THSD7B: variants seen among roughly 807,000 people sequenced by gnomAD.
The protein encoded by THSD7B is thrombospondin type 1 domain containing 7B, also known as thrombospondin type-1 domain-containing protein 7B.
Under a neutral mutation model 213.6 loss-of-function variants are expected in THSD7B, and 138 were observed. That is an observed-to-expected ratio of 0.65 (90% CI 0.56 to 0.74). THSD7B has a LOEUF of 0.74. THSD7B is among the 30% of genes least tolerant of loss of function. The pLI is 0.00. For synonymous variants in THSD7B, 742 were observed against 687.0 expected, an observed-to-expected ratio of 1.08 and a Z score of -1.25; for missense variants, 1,931 against 1,991.5, an observed-to-expected ratio of 0.97 and a Z score of 0.58.
At chr2:137,455,937 A>G (rs1687754101) in intron 15 of THSD7B, among the ~76,000 whole-genome samples, 1 of 152,208 alleles carries the variant, frequency 6.6e-6, no homozygotes, top group Admixed American at 6.5e-5. Context: ...CACATGGTGG[A>G]AACCAACAGA....
intron 5 of THSD7B, among the ~76,000 whole-genome samples, chr2:137,153,988 G>T (rs1192769835): frequency 6.6e-6 from 1 of 152,132 alleles, no homozygotes; most frequent in East Asian, 1.9e-4. Context: ...CGGGTTTACA[G>T]TGCCTTCATT....
chr2:137,470,910 C>CTTTTTTTTTTTT (rs70978226), intron 15 of THSD7B, among the ~76,000 whole-genome samples: 23 of 119,822 alleles, frequency 1.9e-4, no homozygotes, highest in Non-Finnish European at 2.9e-4. Context: ...TTTTTCTTTA[C>CTTTTTTTTTTTT]TTTTTTTTTT....
At chr2:137,054,093 C>A (rs1687116944) in intron 2 of THSD7B, among the ~76,000 whole-genome samples, 1 of 152,128 alleles carries the variant, frequency 6.6e-6, no homozygotes, top group African/African-American at 2.4e-5. Context: ...TCTCAATTTG[C>A]AAAGTAAAGA....
chr2:137,512,959 CATTAGAGAGGCA>C (rs1215350483), intron 15 of THSD7B, among the ~76,000 whole-genome samples: 1 of 152,072 alleles, frequency 6.6e-6, no homozygotes, highest in Non-Finnish European at 1.5e-5. Context: ...CACTTTGTAT[CATTAGAGAGGCA>C]AACCTAAGAT....
intron 15 of THSD7B, among the ~76,000 whole-genome samples, chr2:137,485,498 G>A (rs898517686): frequency 2.0e-5 from 3 of 152,088 alleles, no homozygotes; most frequent in Admixed American, 6.6e-5. Context: ...TTGACTTGGC[G>A]ATGCGGGCCA....
chr2:137,530,108 C>T (rs1680368617), intron 15 of THSD7B, among the ~76,000 whole-genome samples: 1 of 152,036 alleles, frequency 6.6e-6, no homozygotes, highest in Non-Finnish European at 1.5e-5. Flanking sequence ...CAGCATTCTA[C>T]TATTGCTCTA....
chr2:136,892,081 G>A (rs942495840), intron 2 of THSD7B, among the ~76,000 whole-genome samples: 26 of 152,144 alleles, frequency 1.7e-4, no homozygotes, highest in African/African-American at 4.8e-4. Context: ...CTTCAGGGCA[G>A]CCGGGATCCT....
chr2:137,321,594 C>T (rs1404938310), intron 12 of THSD7B, among the ~76,000 whole-genome samples: 1 of 152,182 alleles, frequency 6.6e-6, no homozygotes, highest in African/African-American at 2.4e-5. Context: ...ACAGCTGAAT[C>T]AACCAATCAT....
chr2:137,226,780 A>C (rs1004527515), intron 7 of THSD7B, among the ~76,000 whole-genome samples: 1 of 149,394 alleles, frequency 6.7e-6, no homozygotes, highest in Non-Finnish European at 1.5e-5. Context: ...AAACAAGTAT[A>C]TGCACATGCA....
intron 7 of THSD7B, among the ~76,000 whole-genome samples, chr2:137,220,161 C>T (rs943827938): frequency 1.1e-4 from 17 of 151,818 alleles, no homozygotes; most frequent in African/African-American, 4.1e-4. Context: ...AATACAGCAC[C>T]ACAATCTATA....
Position 136,813,803 on chromosome 2 carries a change from A to C in THSD7B, c.-36+48116A>C, listed in dbSNP as rs562417929. Among the ~76,000 whole-genome samples the C allele has an allele frequency of 2.6e-5, 4 of 152,342 alleles. No homozygotes were observed. The South Asian group carries it at 6.2e-4, about 24-fold the overall frequency. ...AAGTTATTTCTCTGCTTGTGACTCT[A>C]CAAAATTTCTCTTTTAGAGTTCATT... On this transcript the variant is annotated intron_variant, in intron 1 of 27. Transcript: ENST00000409968.
At chr2:137,149,137 AGGCTGTTGCTTCAGAG>A (rs1246825342) in intron 5 of THSD7B, among the ~76,000 whole-genome samples, 1 of 152,222 alleles carries the variant, frequency 6.6e-6, no homozygotes, top group Non-Finnish European at 1.5e-5. Context: ...TATACAGCTC[AGGCTGTTGCTTCAGAG>A]GGTGGAAGCT....
chr2:136,887,405 G>A (rs1300927726), intron 2 of THSD7B, among the ~76,000 whole-genome samples: 2 of 151,768 alleles, frequency 1.3e-5, no homozygotes, highest in Non-Finnish European at 2.9e-5. Flanking sequence ...TTCCATCTAA[G>A]TCTCACATTA....
At chr2:136,875,538 T>C (rs1267010450) in intron 1 of THSD7B, among the ~76,000 whole-genome samples, 1 of 152,216 alleles carries the variant, frequency 6.6e-6, no homozygotes, top group African/African-American at 2.4e-5. Context: ...AATCATTGTG[T>C]AAGATCTGTA....
At chr2:137,436,644 A>G (rs2105047564) in intron 14 of THSD7B, among the ~76,000 whole-genome samples, 1 of 152,318 alleles carries the variant, frequency 6.6e-6, no homozygotes, top group South Asian at 2.1e-4. Flanking sequence ...TACTGTTATG[A>G]ACAGTCTTAC....
chr2:137,153,442 C>G (rs962139482), intron 5 of THSD7B, among the ~76,000 whole-genome samples: 1 of 152,026 alleles, frequency 6.6e-6, no homozygotes, highest in African/African-American at 2.4e-5. Flanking sequence ...CATCTTCCTG[C>G]CAAATTGTAT....
chr2:137,264,848 T>A (rs1682546647), intron 10 of THSD7B, among the ~76,000 whole-genome samples: 1 of 151,878 alleles, frequency 6.6e-6, no homozygotes. Flanking sequence ...TTATTATACT[T>A]TAAGTTTTAG....
chr2:136,765,923 G>A (rs1681381122), intron 1 of THSD7B, among the ~76,000 whole-genome samples: 1 of 152,240 alleles, frequency 6.6e-6, no homozygotes. Context: ...CCGGGGCGCA[G>A]TGTGCGGAGA....
At chr2:137,262,060 T>A (rs1280313907) in intron 10 of THSD7B, among the ~76,000 whole-genome samples, 3 of 152,094 alleles carry the variant, frequency 2.0e-5, no homozygotes, top group Admixed American at 2.0e-4. Flanking sequence ...GACCCAGTGG[T>A]GCTATCTGTG....
Sources: allele counts gnomAD v4.1 joint callset (sites outside exome capture counted in the v4.1 genomes callset), GRCh38; gene constraint gnomAD v4.1.1; transcripts MANE v1.5; gene names NCBI Gene and HGNC (gene_info 2026-07-23, HGNC 2026-07-21).